PTPRN2: variants seen among roughly 807,000 people sequenced by gnomAD.
PTPRN2 encodes protein tyrosine phosphatase receptor type N2.
PTPRN2 carries 74 observed loss-of-function variants against 118.8 expected under a neutral mutation model. The ratio of observed to expected loss-of-function variants is 0.62; its 90% confidence interval spans 0.52 to 0.76. PTPRN2 has a LOEUF of 0.76. PTPRN2 is among the 30% of genes least tolerant of loss of function. The probability of loss-of-function intolerance (pLI) is 0.00; values close to 1 mark genes in which losing one functional copy is unlikely to be tolerated. For synonymous variants in PTPRN2, 641 were observed against 608.0 expected, an observed-to-expected ratio of 1.05 and a Z score of -0.80; for missense variants, 1,481 against 1,394.4, an observed-to-expected ratio of 1.06 and a Z score of -0.99.
intron 12 of PTPRN2, among the ~76,000 whole-genome samples, chr7:157,725,352 CACA>C (rs1799496071): frequency 3.3e-4 from 15 of 45,530 alleles, no homozygotes; most frequent in South Asian, 1.8e-3. Flanking sequence ...GATATCTACA[CACA>C]GAGGAGTGTG....
chr7:158,305,843 G>A (rs1054564311), intron 3 of PTPRN2, among the ~76,000 whole-genome samples: 1 of 150,938 alleles, frequency 6.6e-6, no homozygotes, highest in African/African-American at 2.4e-5. Context: ...CTGAATCTCA[G>A]CAAGAACAGC....
At chr7:157,614,449 G>A in intron 15 of PTPRN2, among the ~76,000 whole-genome samples, 1 of 152,166 alleles carries the variant, frequency 6.6e-6, no homozygotes, top group Non-Finnish European at 1.5e-5. Flanking sequence ...AAAAGTCAGG[G>A]ACAGCTGTTT....
At chr7:157,915,378 G>A (rs1798336066) in intron 11 of PTPRN2, among the ~76,000 whole-genome samples, 1 of 152,180 alleles carries the variant, frequency 6.6e-6, no homozygotes, top group Non-Finnish European at 1.5e-5. Context: ...GCAGCATGCA[G>A]TGGGATTGTA....
intron 5 of PTPRN2, among the ~76,000 whole-genome samples, chr7:158,175,935 C>G (rs545189594): frequency 2.0e-5 from 3 of 151,464 alleles, no homozygotes; most frequent in East Asian, 3.9e-4. Context: ...GCTCAAGACT[C>G]GCGACACCGT....
intron 2 of PTPRN2, among the ~76,000 whole-genome samples, chr7:158,420,972 A>C (rs1815199070): frequency 6.6e-6 from 1 of 152,148 alleles, no homozygotes; most frequent in African/African-American, 2.4e-5. Context: ...TCCAGGGATC[A>C]CCTTCCCATT....
chr7:157,853,341 C>A (rs1437788426), intron 12 of PTPRN2, among the ~76,000 whole-genome samples: 1 of 152,118 alleles, frequency 6.6e-6, no homozygotes, highest in Non-Finnish European at 1.5e-5. Flanking sequence ...CAGGCACGGC[C>A]CGCAGAGCCA....
intron 10 of PTPRN2, among the ~76,000 whole-genome samples, chr7:158,081,798 T>C (rs1812863371): frequency 6.6e-6 from 1 of 152,184 alleles, no homozygotes; most frequent in Admixed American, 6.5e-5. Context: ...ACAGGAACCA[T>C]TTAAAAAACT....
chr7:158,013,545 A>G (rs886213143), intron 11 of PTPRN2, among the ~76,000 whole-genome samples: 8 of 151,388 alleles, frequency 5.3e-5, no homozygotes, highest in African/African-American at 1.9e-4. Flanking sequence ...TTGACCTACC[A>G]TCTATCCAAA....
chr7:157,844,113 G>A (rs2151190293), intron 12 of PTPRN2, among the ~76,000 whole-genome samples: 1 of 151,548 alleles, frequency 6.6e-6, no homozygotes, highest in African/African-American at 2.4e-5. Context: ...CCACATCGTG[G>A]GTGTGGAATG....
intron 2 of PTPRN2, among the ~76,000 whole-genome samples, chr7:158,348,226 A>G (rs1807661590): frequency 6.6e-6 from 1 of 152,142 alleles, no homozygotes; most frequent in Non-Finnish European, 1.5e-5. Context: ...AGCAGCGGGG[A>G]GATGCTGCAG....
At chr7:157,774,993 G>C (rs1047736821) in intron 12 of PTPRN2, among the ~76,000 whole-genome samples, 4 of 152,220 alleles carry the variant, frequency 2.6e-5, no homozygotes, top group African/African-American at 9.7e-5. Context: ...CACAATGAAA[G>C]CAAAGTCAGG....
chr7:157,717,128 G>A (rs1271996750), intron 12 of PTPRN2, among the ~76,000 whole-genome samples: 3 of 152,212 alleles, frequency 2.0e-5, no homozygotes, highest in East Asian at 3.8e-4. Flanking sequence ...CTCACTGCAC[G>A]GGGACTCACA....
chr7:158,477,637 G>A (rs1034727599), intron 2 of PTPRN2, among the ~76,000 whole-genome samples: 6 of 152,100 alleles, frequency 3.9e-5, no homozygotes, highest in Non-Finnish European at 8.8e-5. Context: ...AGAGGCAACC[G>A]AGAATTTGAT....
chr7:158,213,231 TGTG>T (rs1827733610), intron 3 of PTPRN2, among the ~76,000 whole-genome samples: 1 of 151,680 alleles, frequency 6.6e-6, no homozygotes, highest in Admixed American at 6.6e-5. Context: ...TGTGTGTGTG[TGTG>T]TGTGTGTGTG....
intron 2 of PTPRN2, among the ~76,000 whole-genome samples, chr7:158,442,767 G>GT (rs1172545589): frequency 6.6e-6 from 1 of 152,112 alleles, no homozygotes; most frequent in Non-Finnish European, 1.5e-5. Flanking sequence ...TTTAATTCTA[G>GT]TTACAGGAAA....
At chr7:157,887,495 A>G in intron 12 of PTPRN2, among the ~76,000 whole-genome samples, 1 of 10,432 alleles carries the variant, frequency 9.6e-5, no homozygotes, top group Non-Finnish European at 1.7e-4. Context: ...GCCAGTACCC[A>G]CTCGTCAGTA....
rs1193375518 is a variant in PTPRN2, at chr7:157,831,495, C to G, written c.1788+67178G>C. Among the ~76,000 whole-genome samples, 3 of 152,250 alleles carry G rather than the reference C, an allele frequency of 2.0e-5. No homozygotes were observed. The East Asian group carries it at 5.8e-4, about 29-fold the overall frequency. Reference sequence around the variant, plus strand: ...GCTGGGGCTGGGAGACGGAGCTGCCCTCCCCATCCCTGTCCACGGCCCCTC... The same window carrying G: ...GCTGGGGCTGGGAGACGGAGCTGCCGTCCCCATCCCTGTCCACGGCCCCTC... On this transcript the variant is annotated intron_variant, in intron 12 of 22. Coordinates refer to ENST00000389418, the MANE Select transcript of PTPRN2 (RefSeq NM_002847.5). This position sits in a 1 kb window ranked among gnomAD's most constrained non-coding sequence, Gnocchi z 4.8.
intron 11 of PTPRN2, among the ~76,000 whole-genome samples, chr7:157,967,650 A>G (rs1802043670): frequency 1.3e-5 from 2 of 152,196 alleles, no homozygotes; most frequent in East Asian, 1.9e-4. Context: ...ATGCTGACCC[A>G]TTCCACAAGT....
At chr7:158,026,190 G>A (rs138962557) in intron 11 of PTPRN2, among the ~76,000 whole-genome samples, 3 of 152,348 alleles carry the variant, frequency 2.0e-5, no homozygotes, top group Admixed American at 6.5e-5. Flanking sequence ...GGTTTCATCC[G>A]GAGTAAGTGC....
Sources: gnomAD v4.1 joint callset for allele counts (sites outside exome capture counted in the v4.1 genomes callset) on GRCh38, gnomAD v4.1.1 for gene constraint, Gnocchi (gnomAD v3.1) non-coding constraint, MANE v1.5 for transcripts, NCBI Gene and HGNC (gene_info 2026-07-23, HGNC 2026-07-21) for gene names.